CHAF1A: variants seen among roughly 807,000 people sequenced by gnomAD.
CHAF1A encodes the protein chromatin assembly factor 1 subunit A.
CHAF1A carries 5 observed loss-of-function variants against 93.2 expected under a neutral mutation model. The ratio of observed to expected loss-of-function variants is 0.05; its 90% CI spans 0.03 to 0.11. CHAF1A has a LOEUF of 0.11. Ranked by LOEUF, CHAF1A falls within the 10% of genes least tolerant of loss-of-function variation. CHAF1A has a pLI of 1.00. For synonymous variants in CHAF1A, 504 were observed against 510.3 expected, an observed-to-expected ratio of 0.99 and a Z score of 0.17; for missense variants, 1,102 against 1,259.9, an observed-to-expected ratio of 0.87 and a Z score of 1.90.
At position 4,411,339 on chromosome 19, in the gene CHAF1A, C is replaced by T. The variant is rs138917515; in HGVS notation, c.960+1580C>T. 5.2e-3 allele frequency among the ~76,000 whole-genome samples: 794 copies of T among 152,266 alleles called. 11 individuals are homozygous for T. Among genetic ancestry groups the T allele is most frequent in the African/African-American group, 0.018 (760 of 41,538 alleles). On this transcript the variant is annotated intron_variant, in intron 3 of 14. Coordinates refer to ENST00000301280, the MANE Select transcript of CHAF1A (RefSeq NM_005483.3). ...CCGCCTCTTGGGTTCAAGCAATTCT[C>T]CTGCCTCACCCTCTCAAGTAGCTGG...
Position 4,433,253 on chromosome 19 carries a change from C to T in CHAF1A, c.2387C>T (p.Ser796Phe). 2 of 1,614,214 alleles carry T rather than the reference C, an allele frequency of 1.2e-6. No homozygotes were observed. The highest frequency in any genetic ancestry group is 1.7e-6 in the Non-Finnish European group (2 of 1,180,040). The change falls in exon 13 of 15, where the codon TCC becomes TTC. Residue 796 changes from serine to phenylalanine, a missense_variant. Ser to Phe is a radical substitution (Grantham distance 155, BLOSUM62 -2). Around this residue, in one of 6 missense-constraint regions of CHAF1A, gnomAD observed 76 missense variants for 129.8 expected, o/e 0.59. Transcript: ENST00000301280. The surrounding 1 kb of genome is among the most constrained non-coding windows in gnomAD (Gnocchi z 5.6). ...GAGGATGCCGCCATCCCCTCTAAGT[C>T]CCGGCTCAAGCGGCTCATTTCCGAG... is the stretch of plus-strand genomic sequence containing the variant. ...PSEDAAIPSK[S>F]RLKRLISENS...
downstream of CHAF1A, chr19:4,448,236 C>T: frequency 7.8e-7 from 1 of 1,286,676 alleles, no homozygotes. Flanking sequence ...AATGAGGGGG[C>T]CAGAGGGGGT....
chr19:4,428,590 C>T (rs902000576), intron 7 of CHAF1A, 74 bp from the exon 8 acceptor site: 2 of 1,312,488 alleles, frequency 1.5e-6, no homozygotes, highest in Non-Finnish European at 2.2e-6. Context: ...CCACCAGCAC[C>T]CTGCTGTGTG....
chr19:4,428,590 C>A, intron 7 of CHAF1A, 74 bp from the exon 8 acceptor site: 1 of 1,312,488 alleles, frequency 7.6e-7, no homozygotes. Flanking sequence ...CCACCAGCAC[C>A]CTGCTGTGTG....
chr19:4,409,833 A>T, intron 3 of CHAF1A, 74 bp downstream of exon 3: 2 of 1,507,210 alleles, frequency 1.3e-6, no homozygotes, highest in Non-Finnish European at 1.8e-6. Flanking sequence ...CCACTGGGTC[A>T]CCCAGGTGTT....
intron 11 of CHAF1A, 129 bp downstream of exon 11, chr19:4,430,770 C>A: frequency 1.1e-6 from 1 of 884,966 alleles, no homozygotes. Context: ...GCATTCCAAG[C>A]ACGCAAGCTC....
chr19:4,435,149 GGT>G (rs900161149), intron 13 of CHAF1A, among the ~76,000 whole-genome samples: 8 of 130,688 alleles, frequency 6.1e-5, no homozygotes, highest in Non-Finnish European at 1.2e-4. Context: ...GGAGTGCAGT[GGT>G]GTGATCTGGG....
At chr19:4,428,631 C>G (rs371540778) in intron 7 of CHAF1A, 33 bp from the exon 8 acceptor site, 4 of 1,572,580 alleles carry the variant, frequency 2.5e-6, no homozygotes, top group South Asian at 1.1e-5. Context: ...TCCCATTGCT[C>G]GAAGACCCCA....
chr19:4,442,185 C>A, intron 13 of CHAF1A, 60 bp from the exon 14 acceptor site: 1 of 1,410,264 alleles, frequency 7.1e-7, no homozygotes, highest in Non-Finnish European at 1.0e-6. Flanking sequence ...CCCGCTACCG[C>A]ACTGGCACCA....
chr19:4,440,942 A>C (rs1292992519), intron 13 of CHAF1A, among the ~76,000 whole-genome samples: 7 of 150,154 alleles, frequency 4.7e-5, no homozygotes, highest in African/African-American at 1.7e-4. Flanking sequence ...ACATGGCGAA[A>C]CCCCCGTCTG....
chr19:4,422,847 G>T lies in CHAF1A; in HGVS notation c.1247+52G>T, dbSNP rs534723129. The T allele has an allele frequency of 7.8e-6, 12 of 1,542,658 alleles. No individual in the cohort carries two copies. In the African/African-American group the frequency reaches 9.5e-5, roughly 12 times the overall value. On this transcript the variant is annotated intron_variant, in intron 5 of 14. Transcript: ENST00000301280. The surrounding 1 kb of genome is among the most constrained non-coding windows in gnomAD (Gnocchi z 4.6). ...GCCCGCCACCCTGCTGCTGGATTCCGCTCCTGGCCACTCTGATGGGGCCTT... is the reference window on the plus strand; with the variant it reads ...GCCCGCCACCCTGCTGCTGGATTCCTCTCCTGGCCACTCTGATGGGGCCTT...
chr19:4,439,694 T>C (rs988924527), intron 13 of CHAF1A, among the ~76,000 whole-genome samples: 4 of 152,266 alleles, frequency 2.6e-5, no homozygotes, highest in African/African-American at 7.2e-5. Context: ...CAGCAGCGTC[T>C]ACAGGGGACT....
chr19:4,443,795 T>C (rs905556479), downstream of CHAF1A, among the ~76,000 whole-genome samples: 12 of 152,108 alleles, frequency 7.9e-5, no homozygotes, highest in Non-Finnish European at 1.6e-4. Flanking sequence ...CGCCCCAGGT[T>C]GAGTGGGCTT....
intron 2 of CHAF1A, among the ~76,000 whole-genome samples, chr19:4,407,491 G>A (rs1232660584): frequency 6.6e-6 from 1 of 151,136 alleles, no homozygotes; most frequent in Non-Finnish European, 1.5e-5. Context: ...CCACAAATGT[G>A]TCTATATTTT....
At chr19:4,414,479 A>G (rs1039631417) in intron 3 of CHAF1A, among the ~76,000 whole-genome samples, 2 of 151,948 alleles carry the variant, frequency 1.3e-5, no homozygotes, top group Non-Finnish European at 2.9e-5. Context: ...TATTATCATC[A>G]TCATCACCTT....
chr19:4,445,754 G>T, downstream of CHAF1A: 2 of 1,431,588 alleles, frequency 1.4e-6, no homozygotes, highest in Non-Finnish European at 1.9e-6. Flanking sequence ...GCTGTGGCTC[G>T]CACCCAGGCC....
intron 7 of CHAF1A, among the ~76,000 whole-genome samples, chr19:4,427,770 T>G (rs180990870): frequency 2.0e-5 from 3 of 152,234 alleles, no homozygotes; most frequent in Non-Finnish European, 4.4e-5. Flanking sequence ...TGTATTTTAG[T>G]AGAGACCGGG....
downstream of CHAF1A, chr19:4,447,395 G>T: frequency 2.7e-6 from 2 of 748,626 alleles, no homozygotes; most frequent in East Asian, 2.6e-5. Context: ...ATCTTGTCCT[G>T]CTACCTTCTA....
intron 7 of CHAF1A, among the ~76,000 whole-genome samples, chr19:4,424,502 C>T (rs939024984): frequency 6.6e-6 from 1 of 152,226 alleles, no homozygotes; most frequent in African/African-American, 2.4e-5. Flanking sequence ...GTCTCACTGT[C>T]ACCCAGGCTG....
Sources: gnomAD v4.1 joint callset for allele counts (sites outside exome capture counted in the v4.1 genomes callset) on GRCh38, gnomAD v4.1.1 for gene constraint, gnomAD v4.1.1 regional missense constraint, Gnocchi (gnomAD v3.1) non-coding constraint, MANE v1.5 for transcripts, NCBI Gene and HGNC (gene_info 2026-07-23, HGNC 2026-07-21) for gene names.